CFAP69: variants seen among roughly 807,000 people sequenced by gnomAD.
The protein encoded by CFAP69 is cilia and flagella associated protein 69.
Under a neutral mutation model 123.0 loss-of-function variants are expected in CFAP69, and 92 were observed. The observed-to-expected ratio is 0.75, with a 90% CI of 0.63 to 0.89. The LOEUF is 0.89. Ranked by LOEUF, CFAP69 falls within the 40% of genes least tolerant of loss-of-function variation. CFAP69 has a pLI of 0.00. For synonymous variants in CFAP69, 380 were observed against 364.3 expected (o/e 1.04, Z -0.49); for missense variants, 1,067 against 1,096.9 (o/e 0.97, Z 0.39).
chr7:90,280,895 C>T (rs190277740), intron 12 of CFAP69, among the ~76,000 whole-genome samples: 402 of 152,252 alleles, frequency 2.6e-3, no homozygotes, highest in Admixed American at 5.9e-3. Flanking sequence ...GCTTTTTATT[C>T]TCTAGTTTCT....
Position 90,245,390 on chromosome 7 carries a change from A to T in CFAP69, c.-35A>T. 6.6e-7 allele frequency: 1 copy of T among 1,505,274 alleles called. No homozygotes were observed. The allele number at this position is 1,505,274 out of a possible 1,614,324, so 93.2% of individuals were successfully genotyped here. A position where few individuals can be genotyped will look rare whatever the true frequency, so the allele number is the denominator to read the frequency against. On this transcript the variant is annotated 5_prime_UTR_variant, in exon 1 of 23. The change creates a new upstream start codon in the 5' untranslated region. Transcript: ENST00000389297. ...GCTGCGGGCGCACTGTAGGACAGGAAGATCCCCCCACTCTCCACCCCGCCG... is the reference window on the plus strand; with the variant it reads ...GCTGCGGGCGCACTGTAGGACAGGATGATCCCCCCACTCTCCACCCCGCCG...
At position 90,245,504 on chromosome 7, in the gene CFAP69, TC is replaced by T; in HGVS notation, c.83del (p.Pro28ArgfsTer6). The T allele has an allele frequency of 1.3e-6, 2 of 1,528,708 alleles. No individual in the cohort carries two copies. Among genetic ancestry groups the T allele is most frequent in the Non-Finnish European group, 1.8e-6 (2 of 1,141,404 alleles). The allele number at this position is 1,528,708 out of a possible 1,614,324, so 94.7% of individuals were successfully genotyped here. A position where few individuals can be genotyped will look rare whatever the true frequency, so the allele number is the denominator to read the frequency against. ...IRNKSSSSSQIPVVGVVTEDD... is the reference protein window; with the variant it reads ...IRNKSSSSSQXPVVGVVTEDD... ...AACAAGTCTAGCAGTTCCAGTCAAA[TC>T]CCGGTGGTTGGGGTGGTGACGGAGG... is the stretch of plus-strand genomic sequence containing the variant. On this transcript the variant is annotated frameshift_variant, in exon 1 of 23. Transcript: ENST00000389297. LOFTEE classifies it high-confidence loss of function.
intron 8 of CFAP69, among the ~76,000 whole-genome samples, chr7:90,272,809 C>G (rs923200291): frequency 1.3e-5 from 2 of 151,844 alleles, no homozygotes; most frequent in African/African-American, 4.8e-5. Context: ...AGAAGAGAAA[C>G]CTTGCTATCC....
intron 2 of CFAP69, 39 bp from the exon 3 acceptor site, chr7:90,258,059 T>C: frequency 6.7e-7 from 1 of 1,482,736 alleles, no homozygotes; most frequent in South Asian, 1.2e-5. Context: ...TCAACAGATT[T>C]AAAAGCACAA....
chr7:90,311,180 A>T (rs549664202), downstream of CFAP69: 3 of 152,248 alleles, frequency 2.0e-5, no homozygotes, highest in African/African-American at 7.2e-5. Context: ...TATGCTGGAC[A>T]TAGAGCAAAT....
At chr7:90,268,539 G>A (rs1368681112) in intron 6 of CFAP69, among the ~76,000 whole-genome samples, 155 bp downstream of exon 6, 1 of 152,016 alleles carries the variant, frequency 6.6e-6, no homozygotes, top group East Asian at 1.9e-4. Flanking sequence ...GTCATCTTTT[G>A]AAAGTTATAT....
At chr7:90,254,236 A>G (rs1169398731) in intron 1 of CFAP69, among the ~76,000 whole-genome samples, 2 of 152,042 alleles carry the variant, frequency 1.3e-5, no homozygotes, top group African/African-American at 4.8e-5. Flanking sequence ...GTTGGTTACT[A>G]TAGTTTTGCA....
downstream of CFAP69, among the ~76,000 whole-genome samples, chr7:90,315,344 G>T (rs745313770): frequency 3.3e-5 from 5 of 152,080 alleles, no homozygotes; most frequent in African/African-American, 9.7e-5. Context: ...GCAAAGACAT[G>T]GAATCAACCT....
intron 15 of CFAP69, among the ~76,000 whole-genome samples, chr7:90,294,687 C>T (rs1173783579): frequency 6.6e-6 from 1 of 152,230 alleles, no homozygotes; most frequent in Non-Finnish European, 1.5e-5. Context: ...GCTGGGCCAT[C>T]TTGAAAGCAG....
intron 17 of CFAP69, chr7:90,303,589 G>A (rs1048738505): frequency 2.1e-6 from 2 of 952,552 alleles, no homozygotes; most frequent in African/African-American, 1.8e-5. Flanking sequence ...TCATAAAATA[G>A]TTTTTATATT....
intron 9 of CFAP69, 79 bp from the exon 10 acceptor site, chr7:90,276,994 A>G: frequency 2.0e-6 from 2 of 982,498 alleles, no homozygotes; most frequent in Non-Finnish European, 2.9e-6. Context: ...AATGTACTTA[A>G]GTAGTAAATA....
downstream of CFAP69, among the ~76,000 whole-genome samples, chr7:90,315,276 A>G (rs959044735): frequency 6.6e-6 from 1 of 152,142 alleles, no homozygotes; most frequent in Non-Finnish European, 1.5e-5. Context: ...GGGAATATAA[A>G]TCATTCTACC....
chr7:90,299,728 C>T, intron 16 of CFAP69, 139 bp from the exon 17 acceptor site: 1 of 624,422 alleles, frequency 1.6e-6, no homozygotes. Context: ...AATGGGTGTC[C>T]ATTTTAACAG....
chr7:90,292,297 A>G (rs1238014383), intron 15 of CFAP69, among the ~76,000 whole-genome samples: 1 of 152,142 alleles, frequency 6.6e-6, no homozygotes, highest in East Asian at 1.9e-4. Context: ...TTGAGGTCCC[A>G]AGATAACTTG....
At chr7:90,254,602 T>G (rs535274920) in intron 1 of CFAP69, among the ~76,000 whole-genome samples, 1 of 152,132 alleles carries the variant, frequency 6.6e-6, no homozygotes, top group Non-Finnish European at 1.5e-5. Flanking sequence ...CTTAGGGTGC[T>G]ATGAGAGCAC....
At chr7:90,281,277 T>A (rs1386987104) in intron 12 of CFAP69, among the ~76,000 whole-genome samples, 6 of 151,416 alleles carry the variant, frequency 4.0e-5, no homozygotes, top group Non-Finnish European at 7.4e-5. Flanking sequence ...TTAACCAACA[T>A]GCAATACTCA....
At chr7:90,255,996 C>T (rs1220195154) in intron 2 of CFAP69, among the ~76,000 whole-genome samples, 1 of 152,158 alleles carries the variant, frequency 6.6e-6, no homozygotes, top group Non-Finnish European at 1.5e-5. Context: ...AATGTATATG[C>T]ACACATGCTC....
At chr7:90,298,753 T>C (rs1195863996) in intron 16 of CFAP69, among the ~76,000 whole-genome samples, 1 of 152,204 alleles carries the variant, frequency 6.6e-6, no homozygotes, top group Admixed American at 6.5e-5. Flanking sequence ...ATATATATTA[T>C]AGATTAAATA....
chr7:90,282,690 G>C (rs1413482966), intron 12 of CFAP69, among the ~76,000 whole-genome samples: 1 of 152,032 alleles, frequency 6.6e-6, no homozygotes, highest in African/African-American at 2.4e-5. Flanking sequence ...TGATACATTT[G>C]AGTAAAATTC....
Sources: gnomAD v4.1 joint callset for allele counts (sites outside exome capture counted in the v4.1 genomes callset) on GRCh38, gnomAD v4.1.1 for gene constraint, MANE v1.5 for transcripts, NCBI Gene and HGNC (gene_info 2026-07-23, HGNC 2026-07-21) for gene names.